The following THSD7B variants were observed in gnomAD, a reference collection of about 807,000 sequenced individuals.
The protein encoded by THSD7B is thrombospondin type 1 domain containing 7B.
Under a neutral mutation model 213.6 loss-of-function variants are expected in THSD7B, and 138 were observed. The ratio of observed to expected loss-of-function variants is 0.65; its 90% confidence interval spans 0.56 to 0.74. THSD7B has a LOEUF of 0.74. Ranked by LOEUF, THSD7B falls within the 30% of genes least tolerant of loss-of-function variation. The pLI is 0.00. For synonymous variants in THSD7B, 742 were observed against 687.0 expected, an observed-to-expected ratio of 1.08 and a Z score of -1.25; for missense variants, 1,931 against 1,991.5, an observed-to-expected ratio of 0.97 and a Z score of 0.58.
rs1398395384 is a variant in THSD7B, at chr2:136,983,371, G to GACACACACACACACACACACACA, written c.140-73049_140-73048insACACACACACACACACACACACA. Among the ~76,000 whole-genome samples, 664 of 141,162 alleles carry GACACACACACACACACACACACA rather than the reference G, an allele frequency of 4.7e-3. 16 individuals carry two copies. Among genetic ancestry groups the GACACACACACACACACACACACA allele is most frequent in the Admixed American group, 8.4e-3 (117 of 13,946 alleles). 92.6% of individuals were successfully genotyped at this position (141,162 alleles called of 152,430 possible). Reference sequence around the variant, plus strand: ...CACAGACACACAGACACACACACACGCACACACACTCACTCTCTCTCTCTC... The same window carrying GACACACACACACACACACACACA: ...CACAGACACACAGACACACACACACGACACACACACACACACACACACACACACACACTCACTCTCTCTCTCTC... On this transcript the variant is annotated intron_variant, in intron 2 of 27. Coordinates refer to ENST00000409968, the MANE Select transcript of THSD7B (RefSeq NM_001316349.2).
chr2:137,529,459 G>T (rs1680355090), intron 15 of THSD7B, among the ~76,000 whole-genome samples: 2 of 151,546 alleles, frequency 1.3e-5, no homozygotes, highest in Admixed American at 1.3e-4. Context: ...TAGTGCATAG[G>T]GAGGCCTCAT....
chr2:137,143,839 C>T (rs1342354751), intron 5 of THSD7B, among the ~76,000 whole-genome samples: 1 of 152,054 alleles, frequency 6.6e-6, no homozygotes, highest in African/African-American at 2.4e-5. Flanking sequence ...CTTCCATATA[C>T]TGTATTTTCA....
intron 2 of THSD7B, among the ~76,000 whole-genome samples, chr2:136,898,581 C>A (rs1684006208): frequency 7.0e-6 from 1 of 142,272 alleles, no homozygotes; most frequent in Non-Finnish European, 1.6e-5. Context: ...GTCCCCCCGC[C>A]CCCCCGCCAA....
intron 12 of THSD7B, among the ~76,000 whole-genome samples, chr2:137,372,323 C>CTTTTTTTT (rs55635315): frequency 1.6e-4 from 9 of 57,534 alleles, no homozygotes; most frequent in East Asian, 1.6e-3. Context: ...TGATAATACT[C>CTTTTTTTT]TTTTTTTTTT....
At chr2:137,082,120 G>A (rs1413620498) in intron 3 of THSD7B, among the ~76,000 whole-genome samples, 4 of 152,042 alleles carry the variant, frequency 2.6e-5, no homozygotes, top group Non-Finnish European at 2.9e-5. Flanking sequence ...TGAAGGCATC[G>A]TTGAACTTTC....
intron 12 of THSD7B, among the ~76,000 whole-genome samples, chr2:137,287,188 A>G (rs1312113944): frequency 1.3e-5 from 2 of 152,114 alleles, no homozygotes; most frequent in South Asian, 2.1e-4. Context: ...TTAGCACTTG[A>G]TACCAAATGA....
intron 12 of THSD7B, among the ~76,000 whole-genome samples, chr2:137,309,584 T>C (rs1054359229): frequency 2.6e-5 from 4 of 151,768 alleles, no homozygotes; most frequent in Non-Finnish European, 4.4e-5. Context: ...TATACATGTG[T>C]CATGCTGGTG....
chr2:136,950,006 C>T (rs1008371835), intron 2 of THSD7B, among the ~76,000 whole-genome samples: 3 of 152,172 alleles, frequency 2.0e-5, no homozygotes, highest in African/African-American at 7.2e-5. Context: ...GTAATCGTAG[C>T]ACTTTGGGAG....
At chr2:137,584,762 A>G (rs988257565) in intron 17 of THSD7B, among the ~76,000 whole-genome samples, 15 of 152,186 alleles carry the variant, frequency 9.9e-5, no homozygotes, top group African/African-American at 3.6e-4. Context: ...GGATTTTTGC[A>G]TCGATGTTCA....
At chr2:137,089,481 A>G (rs1004596991) in intron 3 of THSD7B, among the ~76,000 whole-genome samples, 1 of 151,698 alleles carries the variant, frequency 6.6e-6, no homozygotes, top group East Asian at 1.9e-4. Context: ...ACTCAGCCAT[A>G]AAAAGGAATG....
chr2:137,046,117 G>C lies in THSD7B; in HGVS notation c.140-10303G>C, dbSNP rs867507484. 1.2e-4 allele frequency among the ~76,000 whole-genome samples: 18 copies of C among 152,102 alleles called. 2 individuals carry two copies. The Middle Eastern group carries it at 0.037, about 316-fold the overall frequency. On this transcript the variant is annotated intron_variant, in intron 2 of 27. Coordinates refer to ENST00000409968, the MANE Select transcript of THSD7B (RefSeq NM_001316349.2). ...TGGACATGATTCTGCTGCCTATGAT[G>C]CTACTTGTTCTAGCTTCAGTAATGT...
intron 2 of THSD7B, among the ~76,000 whole-genome samples, chr2:136,971,014 C>T (rs1685395584): frequency 6.6e-6 from 1 of 152,092 alleles, no homozygotes; most frequent in African/African-American, 2.4e-5. Flanking sequence ...TATGTTGCAA[C>T]TAAACAGTGG....
intron 12 of THSD7B, among the ~76,000 whole-genome samples, chr2:137,397,099 G>T (rs1227964750): frequency 2.0e-5 from 3 of 148,490 alleles, no homozygotes; most frequent in East Asian, 1.9e-4. Context: ...GCACACTGAT[G>T]GGTCTTGACT....
intron 12 of THSD7B, among the ~76,000 whole-genome samples, chr2:137,287,468 T>A (rs994896049): frequency 2.0e-5 from 3 of 152,154 alleles, no homozygotes; most frequent in African/African-American, 7.2e-5. Flanking sequence ...TCATTTTCTT[T>A]GCATGTTTTG....
intron 6 of THSD7B, among the ~76,000 whole-genome samples, chr2:137,165,261 T>G (rs1195689520): frequency 1.3e-5 from 2 of 152,186 alleles, no homozygotes; most frequent in Non-Finnish European, 1.5e-5. Context: ...TATTCAGGTC[T>G]AGGAGTTTGG....
intron 17 of THSD7B, among the ~76,000 whole-genome samples, chr2:137,573,323 A>C (rs1681395906): frequency 6.6e-6 from 1 of 152,136 alleles, no homozygotes. Context: ...CTTGATTGTC[A>C]TAGTGATAAT....
chr2:136,821,675 TCTC>T (rs1682566340), intron 1 of THSD7B, among the ~76,000 whole-genome samples: 1 of 152,168 alleles, frequency 6.6e-6, no homozygotes, highest in Non-Finnish European at 1.5e-5. Flanking sequence ...CTCTGCAAAG[TCTC>T]CTTCCGCGGT....
intron 1 of THSD7B, among the ~76,000 whole-genome samples, chr2:136,784,418 T>C (rs1052583026): frequency 3.3e-5 from 5 of 152,122 alleles, no homozygotes; most frequent in Admixed American, 6.5e-5. Flanking sequence ...TTTTTTTTTG[T>C]AAGACATTAA....
chr2:137,369,655 T>C (rs996762442), intron 12 of THSD7B, among the ~76,000 whole-genome samples: 1 of 152,168 alleles, frequency 6.6e-6, no homozygotes, highest in Non-Finnish European at 1.5e-5. Flanking sequence ...ATTACTCTCT[T>C]TTGTAGGCCC....
Sources: gnomAD v4.1 joint callset for allele counts (sites outside exome capture counted in the v4.1 genomes callset) on GRCh38, gnomAD v4.1.1 for gene constraint, MANE v1.5 for transcripts, NCBI Gene and HGNC (gene_info 2026-07-23, HGNC 2026-07-21) for gene names.